Variants in YLPM1 observed in about 807,000 individuals in gnomAD.
YLPM1 encodes the protein YLP motif-containing protein 1.
A neutral mutation model predicts 230.0 loss-of-function variants in YLPM1; 99 were observed. The ratio of observed to expected loss-of-function variants is 0.43; its 90% CI spans 0.37 to 0.51. The LOEUF (loss-of-function observed/expected upper bound fraction) is 0.51. Among genes scored for constraint, YLPM1 ranks in the 20% least tolerant of loss-of-function variants. YLPM1 has a pLI of 0.00. For synonymous variants in YLPM1, 984 were observed against 942.5 expected, an observed-to-expected ratio of 1.04 and a Z score of -0.81; for missense variants, 2,592 against 2,707.7, an observed-to-expected ratio of 0.96 and a Z score of 0.95.
In YLPM1 at chr14:74,782,255, C is replaced by G; in HGVS notation, c.2212C>G (p.Pro738Ala). The G allele has an allele frequency of 6.3e-7, 1 of 1,589,664 alleles. No homozygotes were observed. The highest frequency in any genetic ancestry group is 1.1e-5 in the South Asian group (1 of 89,106). Residue 738 changes from proline to alanine, a missense_variant, in exon 4 of 21, where the codon CCA becomes GCA. By Grantham distance (27) the Pro-to-Ala change is conservative. Around this residue, in one of 4 missense-constraint regions of YLPM1, gnomAD observed 1,862 missense variants for 1,819.8 expected, o/e 1.02. Transcript: ENST00000325680. Reference protein sequence around the residue: ...SQPITAVKDMPVRSGGLLPDP... With the variant: ...SQPITAVKDMAVRSGGLLPDP... ...GCCAATCACTGCAGTGAAGGACATGCCAGTGAGATCAGGTGGCCTGCTTCC... is the reference window on the plus strand; with the variant it reads ...GCCAATCACTGCAGTGAAGGACATGGCAGTGAGATCAGGTGGCCTGCTTCC...
intron 11 of YLPM1, among the ~76,000 whole-genome samples, chr14:74,815,543 CAG>C (rs1002621655): frequency 6.9e-6 from 1 of 145,552 alleles, no homozygotes; most frequent in African/African-American, 2.6e-5. Context: ...GCCTGGGCAA[CAG>C]AGCAAGACTC....
intron 5 of YLPM1, 22 bp from the exon 6 acceptor site, chr14:74,802,534 T>C (rs750132419): frequency 1.9e-6 from 3 of 1,605,684 alleles, no homozygotes; most frequent in East Asian, 2.2e-5. Context: ...TTATGTACTA[T>C]GTCAATTTTA....
intron 1 of YLPM1, among the ~76,000 whole-genome samples, chr14:74,775,235 A>G (rs1033827874): frequency 3.9e-5 from 6 of 152,224 alleles, no homozygotes; most frequent in South Asian, 2.1e-4. Context: ...CAGTTGATCA[A>G]TAACCATTTA....
chr14:74,775,609 T>A (rs956073223), intron 1 of YLPM1, among the ~76,000 whole-genome samples: 5 of 152,150 alleles, frequency 3.3e-5, no homozygotes, highest in Non-Finnish European at 7.4e-5. Flanking sequence ...CTCAAAGTGA[T>A]AAGGATAAGC....
chr14:74,763,929 CT>C lies in YLPM1; in HGVS notation c.441del (p.Glu148AsnfsTer71). 2 of 1,153,068 alleles carry C rather than the reference CT, an allele frequency of 1.7e-6. No individual in the cohort carries two copies. Among genetic ancestry groups the C allele is most frequent in the African/African-American group, 1.8e-5 (1 of 55,668 alleles). The allele number at this position is 1,153,068 out of a possible 1,614,324, so 71.4% of individuals were successfully genotyped here. A position where few individuals can be genotyped will look rare whatever the true frequency, so the allele number is the denominator to read the frequency against. ...GTTCCAATGGAGCTGGAATCCCCCC[CT>C]GAATCTCCCCCTGTGCCGCCTGGGT... ...GLVPMELESP[P>X]ESPPVPPGSY... On this transcript the variant is annotated frameshift_variant, in exon 1 of 21. Transcript: ENST00000325680. LOFTEE classifies it high-confidence loss of function.
intron 5 of YLPM1, among the ~76,000 whole-genome samples, chr14:74,801,189 A>G (rs1449780271): frequency 3.3e-5 from 5 of 152,212 alleles, no homozygotes; most frequent in Non-Finnish European, 7.3e-5. Flanking sequence ...TCTAGGCAAC[A>G]TGAACATAAT....
intron 1 of YLPM1, among the ~76,000 whole-genome samples, chr14:74,773,923 G>A (rs547481754): frequency 2.0e-5 from 3 of 151,894 alleles, no homozygotes; most frequent in African/African-American, 7.3e-5. Flanking sequence ...GTTTCACCGT[G>A]TTGGCCAGGC....
chr14:74,802,410 C>G, intron 5 of YLPM1, 146 bp from the exon 6 acceptor site: 1 of 665,614 alleles, frequency 1.5e-6, no homozygotes, highest in South Asian at 4.1e-5. Flanking sequence ...GAGGGTAATC[C>G]TGGAGCTGCT....
rs1400429728 is a variant in YLPM1, at chr14:74,812,669, G to A, written c.5389G>A (p.Ala1797Thr). The change falls in exon 11 of 21, where the codon GCT becomes ACT. Residue 1797 changes from alanine to threonine, a missense_variant. Physicochemically the swap from Ala to Thr is moderately conservative, Grantham distance 58. Around this residue, in one of 4 missense-constraint regions of YLPM1, gnomAD observed 403 missense variants for 426.7 expected, o/e 0.94. Transcript: ENST00000325680. ...TYPEERMPLP[A>T]PSLSHQPPPA... ...TCCTGAGGAGCGAATGCCTCTGCCAGCTCCTTCACTGAGCCACCAGCCTCC... is the reference window on the plus strand; with the variant it reads ...TCCTGAGGAGCGAATGCCTCTGCCAACTCCTTCACTGAGCCACCAGCCTCC... 6 of 1,613,610 alleles carry A rather than the reference G, an allele frequency of 3.7e-6. No individual in the cohort carries two copies. The highest frequency in any genetic ancestry group is 5.1e-6 in the Non-Finnish European group (6 of 1,179,728).
rs1566750730 is a variant in YLPM1, at chr14:74,797,435, T to C, written c.2283-145T>C. On this transcript the variant is annotated intron_variant, in intron 4 of 20. Transcript: ENST00000325680. ...ACCTTAACATACTGGTTCTAAGATATTGGTGACTCAGGATTAATTTAATGA... is the reference window on the plus strand; with the variant it reads ...ACCTTAACATACTGGTTCTAAGATACTGGTGACTCAGGATTAATTTAATGA... 1.3e-5 allele frequency: 9 copies of C among 677,612 alleles called. No homozygotes were observed. In the South Asian group the frequency reaches 2.0e-4, roughly 15 times the overall value. 42.0% of individuals were successfully genotyped at this position (677,612 alleles called of 1,614,324 possible). A position where few individuals can be genotyped will look rare whatever the true frequency, so the allele number is the denominator to read the frequency against.
chr14:74,798,623 G>A lies in YLPM1; in HGVS notation c.3326G>A (p.Arg1109Gln), dbSNP rs755347855. ...GSQDRGAAGSRERGPPRRAGS... is the reference protein window; with the variant it reads ...GSQDRGAAGSQERGPPRRAGS... ...CAGGACAGGGGTGCAGCTGGCAGCC[G>A]AGAAAGGGGACCACCTCGGAGGGCT... The change falls in exon 5 of 21, where the codon CGA becomes CAA. Residue 1109 changes from arginine (R) to glutamine (Q), a missense_variant. By Grantham distance (43) the Arg-to-Gln change is conservative. Transcript: ENST00000325680. 3.1e-6 allele frequency: 5 copies of A among 1,611,950 alleles called. No homozygotes were observed. The highest frequency in any genetic ancestry group is 1.7e-4 in the Middle Eastern group (1 of 6,052).
In YLPM1 at chr14:74,818,258, C is replaced by T. The variant is rs773988090; in HGVS notation, c.5974C>T (p.Arg1992Cys). ...KMADHWETAP[R>C]HMMRLDIRSL... ...GGCTGATCACTGGGAAACTGCACCT[C>T]GTCACATGATGCGTCTAGATATTCG... Residue 1992 changes from arginine to cysteine, a missense_variant, in exon 16 of 21, where the codon CGT becomes TGT. Physicochemically the swap from Arg to Cys is radical, Grantham distance 180 (BLOSUM62 -3). Coordinates refer to ENST00000325680, the MANE Select transcript of YLPM1 (RefSeq NM_019589.3). 23 of 1,604,418 alleles carry T rather than the reference C, an allele frequency of 1.4e-5. No homozygotes were observed. Among genetic ancestry groups the T allele is most frequent in the South Asian group, 3.4e-5 (3 of 88,826 alleles).
chr14:74,777,382 A>ACAGTAAGACC, intron 1 of YLPM1, among the ~76,000 whole-genome samples: 1 of 151,850 alleles, frequency 6.6e-6, no homozygotes, highest in Non-Finnish European at 1.5e-5. Flanking sequence ...CCTGGCCAAC[A>ACAGTAAGACC]TGGTGAAACC....
At chr14:74,804,950 GTTATTC>G (rs1015181382) in intron 6 of YLPM1, among the ~76,000 whole-genome samples, 10 of 150,160 alleles carry the variant, frequency 6.7e-5, no homozygotes, top group African/African-American at 2.2e-4. Flanking sequence ...ATCTTTCACT[GTTATTC>G]TTAATATTAC....
chr14:74,802,287 G>C (rs1183869350), intron 5 of YLPM1, among the ~76,000 whole-genome samples: 1 of 151,496 alleles, frequency 6.6e-6, no homozygotes, highest in Non-Finnish European at 1.5e-5. Context: ...AAGTAGATGA[G>C]ATAGTAGAAA....
chr14:74,782,574 A>G (rs1453356112), intron 4 of YLPM1, among the ~76,000 whole-genome samples: 1 of 152,188 alleles, frequency 6.6e-6, no homozygotes, highest in Non-Finnish European at 1.5e-5. Flanking sequence ...TTGTAGAGTA[A>G]TGCTAATCAT....
At position 74,764,184 on chromosome 14, in the gene YLPM1, C is replaced by T. The variant is rs1272574548; in HGVS notation, c.695C>T (p.Pro232Leu). ...TACTTGCCCTCTTCTCAGGCATCTC[C>T]TTCCCGCCCCTCCCAGGGCCATTCT... ...QSYLPSSQASPSRPSQGHSKS... is the reference protein window; with the variant it reads ...QSYLPSSQASLSRPSQGHSKS... Residue 232 changes from proline (P) to leucine (L), a missense_variant, in exon 1 of 21, where the codon CCT becomes CTT. Pro to Leu is a moderately conservative substitution (Grantham distance 98). This residue lies in a region of YLPM1 where 1,862 missense variants were observed against 1,819.8 expected (regional missense o/e 1.02). Coordinates refer to ENST00000325680, the MANE Select transcript of YLPM1 (RefSeq NM_019589.3). The T allele has an allele frequency of 1.9e-6, 3 of 1,613,672 alleles. No homozygotes were observed. The highest frequency in any genetic ancestry group is 2.5e-6 in the Non-Finnish European group (3 of 1,179,848).
intron 11 of YLPM1, among the ~76,000 whole-genome samples, chr14:74,813,035 C>T (rs1055529989): frequency 5.3e-5 from 8 of 152,034 alleles, no homozygotes; most frequent in African/African-American, 7.3e-5. Context: ...CAATTAATTG[C>T]GCGTTGAAGA....
chr14:74,780,267 A>G, intron 2 of YLPM1, 138 bp from the exon 3 acceptor site: 1 of 1,093,122 alleles, frequency 9.1e-7, no homozygotes, highest in East Asian at 2.6e-5. Context: ...TTCTCAATCC[A>G]AAAAGAACTG....
Sources: gnomAD v4.1 joint callset for allele counts (sites outside exome capture counted in the v4.1 genomes callset) on GRCh38, gnomAD v4.1.1 for gene constraint, gnomAD v4.1.1 regional missense constraint, MANE v1.5 for transcripts, NCBI Gene and HGNC (gene_info 2026-07-23, HGNC 2026-07-21) for gene names.